Variants in BLK observed in about 807,000 individuals in gnomAD.
BLK encodes tyrosine-protein kinase Blk.
In BLK, 64 loss-of-function variants were observed where a neutral mutation model predicts 61.8. The ratio of observed to expected loss-of-function variants is 1.03; its 90% CI spans 0.85 to 1.27. BLK has a LOEUF of 1.27. BLK is among the 50% of genes most tolerant of loss of function. The pLI, the probability that BLK is intolerant of heterozygous loss-of-function variation, is 0.00. For synonymous variants in BLK, 351 were observed against 272.0 expected, an observed-to-expected ratio of 1.29 and a Z score of -2.86; for missense variants, 853 against 660.5, an observed-to-expected ratio of 1.29 and a Z score of -3.19.
intron 1 of BLK, among the ~76,000 whole-genome samples, chr8:11,506,177 C>G (rs996202376): frequency 3.3e-5 from 5 of 152,230 alleles, no homozygotes; most frequent in African/African-American, 1.2e-4. Flanking sequence ...GGCTCTGGAG[C>G]TGTCTCTTTG....
Position 11,527,846 on chromosome 8 carries a change from G to C in BLK, c.-1-15378G>C, listed in dbSNP as rs570611323. 9.2e-5 allele frequency among the ~76,000 whole-genome samples: 14 copies of C among 152,144 alleles called. No individual in the cohort carries two copies. In the East Asian group the frequency reaches 2.7e-3, roughly 29 times the overall value. ...AGTGATGTTATCTACAGGACCAAAT[G>C]GGGGAGTCAGAAATCTTGTGACCTC... is the stretch of plus-strand genomic sequence containing the variant. On this transcript the variant is annotated intron_variant, in intron 1 of 12. Transcript: ENST00000259089.
At chr8:11,496,682 C>A (rs1458069488) in intron 1 of BLK, among the ~76,000 whole-genome samples, 4 of 152,204 alleles carry the variant, frequency 2.6e-5, no homozygotes, top group African/African-American at 7.2e-5. Context: ...CCTGACTCCT[C>A]TCCAGGAAGG....
intron 9 of BLK, among the ~76,000 whole-genome samples, chr8:11,557,096 C>G (rs1306862446): frequency 6.6e-6 from 1 of 152,204 alleles, no homozygotes; most frequent in Non-Finnish European, 1.5e-5. Flanking sequence ...AGTGCATCTT[C>G]TGTGCCTAGC....
At chr8:11,498,589 C>T (rs977594228) in intron 1 of BLK, among the ~76,000 whole-genome samples, 1 of 152,172 alleles carries the variant, frequency 6.6e-6, no homozygotes, top group Non-Finnish European at 1.5e-5. Flanking sequence ...TGAGTGGTCT[C>T]GTCCTGCAGT....
rs934471391 is a variant in BLK at position 11,539,373 on chromosome 8, T to C, written c.-1-3851T>C. 2.6e-5 allele frequency among the ~76,000 whole-genome samples: 4 copies of C among 152,208 alleles called. No homozygotes were observed. The East Asian group carries it at 7.7e-4, about 29-fold the overall frequency. On this transcript the variant is annotated intron_variant, in intron 1 of 12. Transcript: ENST00000259089. ...TTTTTTTTAGTAGTTGTATGAGAGA[T>C]TTATAGAGTGTAGATTTATTCAACA...
chr8:11,531,666 C>A (rs1314144562), intron 1 of BLK, among the ~76,000 whole-genome samples: 1 of 152,162 alleles, frequency 6.6e-6, no homozygotes, highest in African/African-American at 2.4e-5. Context: ...GTTTCATAGT[C>A]TTTCTGGTAG....
chr8:11,526,542 A>C (rs993931807), intron 1 of BLK, among the ~76,000 whole-genome samples: 1 of 152,158 alleles, frequency 6.6e-6, no homozygotes, highest in African/African-American at 2.4e-5. Context: ...AAAATGATGA[A>C]ACCCCATCTC....
At chr8:11,543,387 C>G in intron 2 of BLK, 40 bp downstream of exon 2, 1 of 1,608,746 alleles carries the variant, frequency 6.2e-7, no homozygotes, top group Non-Finnish European at 8.5e-7. Flanking sequence ...AGATTACTTA[C>G]TTCTCCTATG....
rs762231914 is a variant in BLK at position 11,561,445 on chromosome 8, C to T, written c.1173C>T (p.Ala391=). Residue 391 remains alanine, a synonymous_variant, in exon 11 of 13, where the codon GCC becomes GCT. Transcript: ENST00000259089. The part of the protein sequence containing the change: ...LARIIDSEYT[A]QEGAKFPIKW... ...GAATCATCGACAGTGAATACACGGC[C>T]CAAGAGGGTAAGCACAGCCCCTAAC... The T allele has an allele frequency of 1.2e-6, 2 of 1,613,778 alleles. No homozygotes were observed. The highest frequency in any genetic ancestry group is 2.2e-5 in the South Asian group (2 of 90,978).
chr8:11,552,264 G>A (rs965274477), intron 6 of BLK, among the ~76,000 whole-genome samples: 5 of 152,224 alleles, frequency 3.3e-5, no homozygotes, highest in African/African-American at 1.2e-4. Context: ...ATGAGGCCTT[G>A]GTGCCCCACA....
chr8:11,531,922 C>A (rs545574197), intron 1 of BLK, among the ~76,000 whole-genome samples: 1 of 151,030 alleles, frequency 6.6e-6, no homozygotes, highest in East Asian at 2.0e-4. Flanking sequence ...GCAGTGGCAC[C>A]ATCTCGGCTC....
At chr8:11,534,662 T>A (rs1800036350) in intron 1 of BLK, among the ~76,000 whole-genome samples, 1 of 152,198 alleles carries the variant, frequency 6.6e-6, no homozygotes, top group Non-Finnish European at 1.5e-5. Context: ...CCACAAAAGA[T>A]CTTTTCACTT....
chr8:11,514,796 A>G (rs1799158171), intron 1 of BLK, among the ~76,000 whole-genome samples: 1 of 152,190 alleles, frequency 6.6e-6, no homozygotes, highest in African/African-American at 2.4e-5. Context: ...GAGAGGTAAA[A>G]AATACAGATT....
At chr8:11,500,951 G>A (rs1485578013) in intron 1 of BLK, among the ~76,000 whole-genome samples, 1 of 152,032 alleles carries the variant, frequency 6.6e-6, no homozygotes, top group African/African-American at 2.4e-5. Flanking sequence ...GCTCACACCT[G>A]TAATCCCAGC....
intron 1 of BLK, among the ~76,000 whole-genome samples, chr8:11,534,064 G>A (rs1249775413): frequency 2.4e-4 from 36 of 152,174 alleles, no homozygotes; most frequent in Admixed American, 2.4e-3. Flanking sequence ...ATCACTGGGG[G>A]CATTTTTTAA....
intron 10 of BLK, chr8:11,559,987 A>C (rs1357929810): frequency 2.7e-6 from 1 of 367,624 alleles, no homozygotes; most frequent in Non-Finnish European, 5.3e-6. Flanking sequence ...GGTACTGTTC[A>C]ATAAATATTA....
At chr8:11,495,079 G>A (rs893732406) in intron 1 of BLK, among the ~76,000 whole-genome samples, 4 of 152,204 alleles carry the variant, frequency 2.6e-5, no homozygotes, top group Admixed American at 6.5e-5. Context: ...CATTTTTCAG[G>A]CATTCAGGAA....
At chr8:11,538,943 T>A (rs1293595937) in intron 1 of BLK, among the ~76,000 whole-genome samples, 2 of 152,186 alleles carry the variant, frequency 1.3e-5, no homozygotes, top group African/African-American at 4.8e-5. Context: ...TATTAAAGAA[T>A]TTAAGAAATA....
chr8:11,504,359 G>C (rs1798680557), intron 1 of BLK, among the ~76,000 whole-genome samples: 1 of 100,354 alleles, frequency 1.0e-5, no homozygotes, highest in African/African-American at 6.0e-5. Context: ...AAGGAAGGAA[G>C]GAAGGAAGAA....
Sources: allele counts gnomAD v4.1 joint callset (sites outside exome capture counted in the v4.1 genomes callset), GRCh38; gene constraint gnomAD v4.1.1; transcripts MANE v1.5; gene names NCBI Gene and HGNC (gene_info 2026-07-23, HGNC 2026-07-21).